MYO1B: variants seen among roughly 807,000 people sequenced by gnomAD.
MYO1B encodes unconventional myosin-Ib.
A neutral mutation model predicts 159.7 loss-of-function variants in MYO1B; 72 were observed. The ratio of observed to expected loss-of-function variants is 0.45; its 90% CI spans 0.37 to 0.55. The LOEUF is 0.55. Among genes scored for constraint, MYO1B ranks in the 20% least tolerant of loss-of-function variants. MYO1B has a pLI of 0.00. For synonymous variants in MYO1B, 468 were observed against 473.8 expected (o/e 0.99, Z 0.16); for missense variants, 1,062 against 1,364.8 (o/e 0.78, Z 3.50).
At chr2:191,259,996 T>C (rs1247967014) in intron 1 of MYO1B, among the ~76,000 whole-genome samples, 1 of 151,966 alleles carries the variant, frequency 6.6e-6, no homozygotes, top group Non-Finnish European at 1.5e-5. Context: ...GTGGATAATG[T>C]TAGGATTGCT....
chr2:191,366,425 T>TCTA (rs991212585), intron 11 of MYO1B, among the ~76,000 whole-genome samples: 2 of 152,116 alleles, frequency 1.3e-5, no homozygotes, highest in African/African-American at 4.8e-5. Flanking sequence ...AGTATCTGGT[T>TCTA]CTACTGATCT....
Position 191,402,730 on chromosome 2 carries a change from A to G in MYO1B, c.2556+12A>G, listed in dbSNP as rs1196783171. The stretch of plus-strand genomic sequence containing the variant: ...GGCTTGGACTGAAGGTACTTCCTCA[A>G]CCACTTGTTTCTGTCCAGGGTGAAC... On this transcript the variant is annotated intron_variant, in intron 24 of 30. Coordinates refer to ENST00000392318, the MANE Select transcript of MYO1B (RefSeq NM_001130158.3). The G allele has an allele frequency of 3.7e-6, 6 of 1,606,124 alleles. No homozygotes were observed. In the African/African-American group the frequency reaches 6.7e-5, roughly 18 times the overall value.
intron 24 of MYO1B, among the ~76,000 whole-genome samples, chr2:191,403,045 T>A (rs1255363723): frequency 2.6e-5 from 4 of 152,212 alleles, no homozygotes; most frequent in Non-Finnish European, 5.9e-5. Context: ...GTTACAATAG[T>A]TGAGCTAAAA....
intron 3 of MYO1B, among the ~76,000 whole-genome samples, chr2:191,303,020 G>A (rs1382817720): frequency 6.6e-6 from 1 of 152,138 alleles, no homozygotes; most frequent in South Asian, 2.1e-4. Context: ...TTGAGTCTTT[G>A]TTGATCCTGT....
chr2:191,254,100 G>C (rs1686289483), intron 1 of MYO1B, among the ~76,000 whole-genome samples: 1 of 152,204 alleles, frequency 6.6e-6, no homozygotes, highest in South Asian at 2.1e-4. Context: ...GATTGATCAA[G>C]TTCACATCTA....
intron 1 of MYO1B, among the ~76,000 whole-genome samples, chr2:191,262,488 C>G (rs1037556453): frequency 2.6e-5 from 4 of 152,172 alleles, no homozygotes; most frequent in African/African-American, 7.2e-5. Flanking sequence ...TATGTAGTGG[C>G]TGACCTCAGT....
intron 7 of MYO1B, among the ~76,000 whole-genome samples, chr2:191,354,568 T>TG (rs1183867693): frequency 6.6e-6 from 1 of 151,668 alleles, no homozygotes; most frequent in Non-Finnish European, 1.5e-5. Context: ...TGGAGGCAAA[T>TG]GCTGTGATTT....
At chr2:191,403,549 A>G (rs1042863722) in intron 24 of MYO1B, among the ~76,000 whole-genome samples, 1 of 152,114 alleles carries the variant, frequency 6.6e-6, no homozygotes, top group Non-Finnish European at 1.5e-5. Context: ...CTTTAATCCT[A>G]TGACATTTAA....
At chr2:191,416,522 G>C in intron 30 of MYO1B, 1 of 354,150 alleles carries the variant, frequency 2.8e-6, no homozygotes. Context: ...AGGGTTAAGA[G>C]TCAGAGAGTA....
chr2:191,358,572 C>T (rs979758872), intron 7 of MYO1B, among the ~76,000 whole-genome samples: 1 of 152,222 alleles, frequency 6.6e-6, no homozygotes, highest in African/African-American at 2.4e-5. Flanking sequence ...CAAAAGGTGC[C>T]AAACATTAGA....
chr2:191,309,258 GT>G (rs1017068945), intron 3 of MYO1B, among the ~76,000 whole-genome samples: 19 of 152,230 alleles, frequency 1.2e-4, no homozygotes, highest in African/African-American at 4.6e-4. Context: ...ATGCAAAACT[GT>G]TTTTTTCCTT....
At chr2:191,279,652 G>A (rs1687938966) in intron 2 of MYO1B, among the ~76,000 whole-genome samples, 1 of 152,100 alleles carries the variant, frequency 6.6e-6, no homozygotes, top group African/African-American at 2.4e-5. Context: ...TTCATGGGTT[G>A]CTGCAAAGTT....
chr2:191,396,323 G>T (rs1574598697), intron 20 of MYO1B, 106 bp from the exon 21 acceptor site: 3 of 1,158,658 alleles, frequency 2.6e-6, no homozygotes, highest in East Asian at 4.7e-5. Context: ...AAGGAGTATG[G>T]ATAATTGAGT....
rs868351797 is a variant in MYO1B, at chr2:191,393,286, C to A, written c.2226+64C>A. 1.9e-6 allele frequency: 3 copies of A among 1,545,806 alleles called. No homozygotes were observed. In the Middle Eastern group the frequency reaches 5.2e-4, roughly 266 times the overall value. ...CTAATTTGCCAACATTTATTATGTA[C>A]TTACCATGTATGTGATTTTTACATA... is the stretch of plus-strand genomic sequence containing the variant. On this transcript the variant is annotated intron_variant, in intron 20 of 30. Coordinates refer to ENST00000392318, the MANE Select transcript of MYO1B (RefSeq NM_001130158.3).
At chr2:191,280,982 C>T (rs932468290) in intron 2 of MYO1B, among the ~76,000 whole-genome samples, 6 of 152,170 alleles carry the variant, frequency 3.9e-5, no homozygotes, top group Non-Finnish European at 8.8e-5. Flanking sequence ...AACAGCTTCC[C>T]CCAGGAACTC....
chr2:191,356,757 T>A (rs1693320040), intron 7 of MYO1B, among the ~76,000 whole-genome samples: 1 of 152,246 alleles, frequency 6.6e-6, no homozygotes, highest in Non-Finnish European at 1.5e-5. Flanking sequence ...GAATTTTAGA[T>A]TCAGATACAT....
At chr2:191,397,447 G>T (rs1438856317) in intron 21 of MYO1B, among the ~76,000 whole-genome samples, 1 of 151,676 alleles carries the variant, frequency 6.6e-6, no homozygotes, top group African/African-American at 2.4e-5. Flanking sequence ...ATCTTGCACC[G>T]CCCTTAATCC....
At chr2:191,299,715 C>T (rs909219247) in intron 3 of MYO1B, among the ~76,000 whole-genome samples, 7 of 152,178 alleles carry the variant, frequency 4.6e-5, no homozygotes, top group Non-Finnish European at 1.0e-4. Context: ...CCAGGTCTTC[C>T]ATTTACAAGC....
chr2:191,365,471 A>T (rs1296015069), intron 11 of MYO1B, among the ~76,000 whole-genome samples: 1 of 152,184 alleles, frequency 6.6e-6, no homozygotes, highest in Non-Finnish European at 1.5e-5. Context: ...ATATATATGG[A>T]AATTTGGTTT....
Sources: gnomAD v4.1 joint callset for allele counts (sites outside exome capture counted in the v4.1 genomes callset) on GRCh38, gnomAD v4.1.1 for gene constraint, MANE v1.5 for transcripts, NCBI Gene and HGNC (gene_info 2026-07-23, HGNC 2026-07-21) for gene names.